ASTN2: variants seen among roughly 807,000 people sequenced by gnomAD.
The protein encoded by ASTN2 is astrotactin 2.
In ASTN2, 54 loss-of-function variants were observed where a neutral mutation model predicts 139.8. The ratio of observed to expected loss-of-function variants is 0.39; its 90% confidence interval spans 0.31 to 0.48. ASTN2 has a LOEUF of 0.48. ASTN2 is among the 20% of genes least tolerant of loss of function. The pLI, the probability that ASTN2 is intolerant of heterozygous loss-of-function variation, is 0.95. For synonymous variants in ASTN2, 756 were observed against 719.5 expected, an observed-to-expected ratio of 1.05 and a Z score of -0.81; for missense variants, 1,565 against 1,725.1, an observed-to-expected ratio of 0.91 and a Z score of 1.64.
intron 7 of ASTN2, among the ~76,000 whole-genome samples, chr9:116,988,722 C>T (rs544268991): frequency 1.2e-3 from 178 of 152,260 alleles, no homozygotes; most frequent in Middle Eastern, 3.4e-3. Flanking sequence ...CAGCACAACC[C>T]GGTGTCTCAT....
chr9:116,597,909 G>A (rs1854671804), intron 19 of ASTN2, among the ~76,000 whole-genome samples: 1 of 152,100 alleles, frequency 6.6e-6, no homozygotes, highest in Non-Finnish European at 1.5e-5. Flanking sequence ...GCTTTTTAAT[G>A]GGTCAACAGA....
At chr9:117,133,127 A>T (rs975310335) in intron 4 of ASTN2, among the ~76,000 whole-genome samples, 1 of 152,202 alleles carries the variant, frequency 6.6e-6, no homozygotes, top group Non-Finnish European at 1.5e-5. Flanking sequence ...ATATTTTTCA[A>T]TTGTATGTAT....
intron 2 of ASTN2, among the ~76,000 whole-genome samples, chr9:117,259,287 A>G (rs1833765680): frequency 6.6e-6 from 1 of 152,198 alleles, no homozygotes; most frequent in Non-Finnish European, 1.5e-5. Context: ...CAGTATATAC[A>G]ACCAATGTAT....
chr9:116,859,434 T>C (rs2132334464), intron 11 of ASTN2, among the ~76,000 whole-genome samples: 1 of 152,316 alleles, frequency 6.6e-6, no homozygotes, highest in African/African-American at 2.4e-5. Flanking sequence ...TTTTTAAATC[T>C]TGTGTTTCAA....
intron 19 of ASTN2, among the ~76,000 whole-genome samples, chr9:116,508,759 G>A (rs1850226248): frequency 1.3e-5 from 2 of 152,132 alleles, no homozygotes; most frequent in Admixed American, 1.3e-4. Context: ...CAGCTCCACT[G>A]ACTGTCATAT....
intron 16 of ASTN2, among the ~76,000 whole-genome samples, chr9:116,676,819 T>C (rs1295341952): frequency 6.6e-6 from 1 of 152,234 alleles, no homozygotes; most frequent in African/African-American, 2.4e-5. Context: ...GTTATTAGTG[T>C]AGCATTGCCA....
At chr9:116,461,984 CT>C (rs902313316) in intron 20 of ASTN2, among the ~76,000 whole-genome samples, 15 of 152,132 alleles carry the variant, frequency 9.9e-5, no homozygotes, top group Non-Finnish European at 2.2e-4. Context: ...TGAATTGCCT[CT>C]GATCCTCATG....
intron 19 of ASTN2, among the ~76,000 whole-genome samples, chr9:116,548,798 C>T (rs1055818545): frequency 8.5e-5 from 13 of 152,102 alleles, no homozygotes; most frequent in Admixed American, 4.6e-4. Context: ...AAAATGAACA[C>T]CTGTGCCCCA....
intron 1 of ASTN2, among the ~76,000 whole-genome samples, chr9:117,293,345 G>T (rs1056876094): frequency 1.3e-5 from 2 of 152,152 alleles, no homozygotes; most frequent in African/African-American, 4.8e-5. Context: ...GAGGAATCCT[G>T]CCAAGCAAAA....
chr9:116,806,423 T>C (rs189283015), intron 12 of ASTN2, among the ~76,000 whole-genome samples: 1 of 152,256 alleles, frequency 6.6e-6, no homozygotes, highest in East Asian at 1.9e-4. Context: ...ATATTTGCAA[T>C]TTGAAAAGAT....
At chr9:116,662,622 C>T (rs1463451893) in intron 16 of ASTN2, among the ~76,000 whole-genome samples, 4 of 152,070 alleles carry the variant, frequency 2.6e-5, no homozygotes, top group Non-Finnish European at 4.4e-5. Flanking sequence ...TTAATAGCCA[C>T]CCAAAACATG....
intron 5 of ASTN2, among the ~76,000 whole-genome samples, chr9:117,066,016 C>CT (rs58654004): frequency 6.9e-4 from 101 of 146,120 alleles, no homozygotes; most frequent in East Asian, 3.2e-3. Context: ...CCCATTTTAT[C>CT]TTTTTTTTTT....
At chr9:116,843,549 C>T (rs753244360) in intron 11 of ASTN2, among the ~76,000 whole-genome samples, 3 of 151,518 alleles carry the variant, frequency 2.0e-5, no homozygotes, top group Non-Finnish European at 2.9e-5. Flanking sequence ...ATCTCAGGTA[C>T]TCGGGAGGGT....
Position 116,439,194 on chromosome 9 carries a change from A to ATTTTTTTTTTTTTTTTT in ASTN2, c.3782+1398_3782+1414dup, listed in dbSNP as rs1016270368. ...GATGTTGTGTTTTCTATTCAAATAC[A>ATTTTTTTTTTTTTTTTT]TTTTTTTTTTTTTTTTTTTTTTTTG... On this transcript the variant is annotated intron_variant, in intron 22 of 22. Transcript: ENST00000313400. Among the ~76,000 whole-genome samples the ATTTTTTTTTTTTTTTTT allele has an allele frequency of 9.0e-4, 51 of 56,716 alleles. 1 individual carries two copies. The highest frequency in any genetic ancestry group is 2.3e-3 in the East Asian group (3 of 1,310). 37.2% of individuals were successfully genotyped at this position (56,716 alleles called of 152,430 possible).
At chr9:116,853,932 C>T (rs1287834022) in intron 11 of ASTN2, among the ~76,000 whole-genome samples, 4 of 152,172 alleles carry the variant, frequency 2.6e-5, no homozygotes, top group African/African-American at 9.6e-5. Flanking sequence ...AAGCAATCAA[C>T]ATGTCCAACC....
intron 10 of ASTN2, among the ~76,000 whole-genome samples, chr9:116,870,944 C>A (rs1833147583): frequency 6.6e-6 from 1 of 152,094 alleles, no homozygotes; most frequent in Non-Finnish European, 1.5e-5. Flanking sequence ...GAAGGAGGAA[C>A]CTAAGACAAT....
At chr9:117,408,885 G>A (rs540729768) in intron 1 of ASTN2, among the ~76,000 whole-genome samples, 32 of 152,248 alleles carry the variant, frequency 2.1e-4, no homozygotes, top group African/African-American at 6.7e-4. Context: ...AAATTTCATC[G>A]GCTTTGAGAT....
chr9:116,514,180 G>T (rs1358190057), intron 19 of ASTN2, among the ~76,000 whole-genome samples: 3 of 150,534 alleles, frequency 2.0e-5, no homozygotes, highest in African/African-American at 2.4e-5. Flanking sequence ...TGGGGTTTTG[G>T]TGTGGATGTC....
intron 16 of ASTN2, among the ~76,000 whole-genome samples, chr9:116,674,696 T>C (rs1007198903): frequency 6.6e-6 from 1 of 152,222 alleles, no homozygotes; most frequent in Non-Finnish European, 1.5e-5. Context: ...TATATCTTTA[T>C]AATTTTCTCC....
Sources: allele counts gnomAD v4.1 joint callset (sites outside exome capture counted in the v4.1 genomes callset), GRCh38; gene constraint gnomAD v4.1.1; transcripts MANE v1.5; gene names NCBI Gene and HGNC (gene_info 2026-07-23, HGNC 2026-07-21).